SORL1: variants seen among roughly 807,000 people sequenced by gnomAD.
SORL1 encodes sortilin-related receptor.
SORL1 carries 127 observed loss-of-function variants against 273.7 expected under a neutral mutation model. That is an observed-to-expected ratio of 0.46 (90% CI 0.40 to 0.54). The LOEUF is 0.54. SORL1 is among the 20% of genes least tolerant of loss of function. The pLI is 0.00. For missense variants in SORL1, 2,494 were observed against 2,846.1 expected (o/e 0.88, Z 2.81); for synonymous variants, 1,031 against 1,067.4 (o/e 0.97, Z 0.66).
At chr11:121,585,255 G>A (rs573502524) in intron 26 of SORL1, among the ~76,000 whole-genome samples, 2 of 152,196 alleles carry the variant, frequency 1.3e-5, no homozygotes, top group Admixed American at 6.5e-5. Context: ...AGGCTGAGGC[G>A]GGAGGATGGC....
intron 1 of SORL1, 58 bp from the exon 2 acceptor site, chr11:121,469,949 A>G: frequency 9.2e-7 from 1 of 1,081,784 alleles, no homozygotes; most frequent in Admixed American, 1.7e-5. Context: ...GTCTTGATTT[A>G]GAATGTGTGT....
chr11:121,490,230 T>G, intron 5 of SORL1, 120 bp downstream of exon 5: 2 of 699,490 alleles, frequency 2.9e-6, no homozygotes, highest in Admixed American at 4.5e-5. Context: ...GGAAATACAT[T>G]TTTCCAGATC....
intron 1 of SORL1, among the ~76,000 whole-genome samples, chr11:121,464,804 A>G (rs1384020655): frequency 3.3e-5 from 5 of 152,142 alleles, no homozygotes; most frequent in Non-Finnish European, 2.9e-5. Context: ...GGCTCTGCAG[A>G]TGCCGCTGAC....
intron 11 of SORL1, 27 bp from the exon 12 acceptor site, chr11:121,532,437 G>C (rs767266280): frequency 1.9e-6 from 3 of 1,605,048 alleles, no homozygotes; most frequent in Admixed American, 1.7e-5. Context: ...CACAGCAGTG[G>C]TGTCACCATG....
rs1228816097 is a variant in SORL1 at position 121,550,674 on chromosome 11, A to G, written c.2266+4A>G. The G allele has an allele frequency of 4.3e-6, 7 of 1,611,016 alleles. No homozygotes were observed. Among genetic ancestry groups the G allele is most frequent in the Non-Finnish European group, 5.9e-6 (7 of 1,177,406 alleles). On this transcript the variant is annotated splice_donor_region_variant and intron_variant, in intron 16 of 47. Transcript: ENST00000260197. This position sits in a 1 kb window ranked among gnomAD's most constrained non-coding sequence, Gnocchi z 5.3. Reference sequence around the variant, plus strand: ...CTGGTCCCCTGTCCCCTGGCAGGTAAGAGAGGTGGTTTCTTCCCTTTCATT... The same window carrying G: ...CTGGTCCCCTGTCCCCTGGCAGGTAGGAGAGGTGGTTTCTTCCCTTTCATT...
At chr11:121,534,306 A>C (rs1862240238) in intron 12 of SORL1, among the ~76,000 whole-genome samples, 1 of 152,224 alleles carries the variant, frequency 6.6e-6, no homozygotes, top group African/African-American at 2.4e-5. Context: ...GTGTGATTCT[A>C]GTCCTCTTAC....
chr11:121,504,018 G>T (rs751889738), intron 6 of SORL1, among the ~76,000 whole-genome samples: 8 of 152,196 alleles, frequency 5.3e-5, no homozygotes, highest in Non-Finnish European at 1.0e-4. Flanking sequence ...GCCTTCCAAT[G>T]CATGGACAAA....
In SORL1 at chr11:121,570,677, A is replaced by G. The variant is rs75916995; in HGVS notation, c.3337+407A>G. Among the ~76,000 whole-genome samples, 128 of 152,294 alleles carry G rather than the reference A, an allele frequency of 8.4e-4. 1 individual carries two copies. In the East Asian group the frequency reaches 0.023, roughly 27 times the overall value. ...TATTCAGCCTTTTTAGGGATGGGAA[A>G]TGAGTATTTACTCCAGTTGGTTGAT... On this transcript the variant is annotated intron_variant, in intron 23 of 47. Transcript: ENST00000260197.
At chr11:121,547,952 A>T (rs1862458050) in intron 14 of SORL1, among the ~76,000 whole-genome samples, 1 of 152,174 alleles carries the variant, frequency 6.6e-6, no homozygotes, top group Non-Finnish European at 1.5e-5. Context: ...TTTAGACCAC[A>T]CTGGGAAGCC....
chr11:121,549,250 G>A (rs753787728), intron 14 of SORL1, among the ~76,000 whole-genome samples: 1 of 151,726 alleles, frequency 6.6e-6, no homozygotes, highest in Admixed American at 6.6e-5. Flanking sequence ...TGAGACAGGG[G>A]CTTGCTCTGT....
rs1367027730 is a variant in SORL1 at position 121,632,329 on chromosome 11, G to A, written c.*2766G>A. 6.6e-6 allele frequency: 1 copy of A among 152,106 alleles called. No homozygotes were observed. The highest frequency in any genetic ancestry group is 1.5e-5 in the Non-Finnish European group (1 of 68,034). The allele number at this position is 152,106 out of a possible 1,614,324, so 9.4% of individuals were successfully genotyped here. A position where few individuals can be genotyped will look rare whatever the true frequency, so the allele number is the denominator to read the frequency against. On this transcript the variant is annotated 3_prime_UTR_variant, in exon 48 of 48. Transcript: ENST00000260197. The stretch of plus-strand genomic sequence containing the variant: ...AGATACGAGTCCACATGGATAAAAT[G>A]TTAGAGAGTGGAGTTCTACAGAGGA...
chr11:121,619,975 T>C, intron 43 of SORL1, 58 bp downstream of exon 43: 1 of 1,407,802 alleles, frequency 7.1e-7, no homozygotes, highest in South Asian at 1.2e-5. Flanking sequence ...TAGGGTGGGG[T>C]GGGATGGAAG....
intron 20 of SORL1, 111 bp from the exon 21 acceptor site, chr11:121,559,408 A>G (rs747364812): frequency 8.9e-7 from 1 of 1,125,992 alleles, no homozygotes; most frequent in Non-Finnish European, 1.3e-6. Flanking sequence ...CAGGCTAGTC[A>G]TTCAGCCAAT....
intron 46 of SORL1, among the ~76,000 whole-genome samples, chr11:121,626,033 G>A (rs1444472259): frequency 1.3e-5 from 2 of 152,150 alleles, no homozygotes; most frequent in Non-Finnish European, 2.9e-5. Flanking sequence ...CACTAAGAGA[G>A]GGAAACACTG....
chr11:121,588,744 C>A (rs577500274), intron 28 of SORL1, among the ~76,000 whole-genome samples: 1 of 152,204 alleles, frequency 6.6e-6, no homozygotes, highest in Non-Finnish European at 1.5e-5. Context: ...AGCCTGGAAG[C>A]TAGCAGTCCA....
intron 6 of SORL1, among the ~76,000 whole-genome samples, chr11:121,508,073 A>T (rs2134837778): frequency 1.3e-5 from 2 of 152,338 alleles, no homozygotes; most frequent in Middle Eastern, 6.8e-3. Flanking sequence ...TAATGATAAG[A>T]CAGAGATTTT....
At chr11:121,618,528 GC>G (rs1591356083) in intron 41 of SORL1, among the ~76,000 whole-genome samples, 1 of 152,026 alleles carries the variant, frequency 6.6e-6, no homozygotes, top group East Asian at 1.9e-4. Flanking sequence ...TTTCTTCTCT[GC>G]CCGCCTCTCC....
chr11:121,548,933 A>G (rs904023723), intron 14 of SORL1, among the ~76,000 whole-genome samples: 11 of 152,192 alleles, frequency 7.2e-5, no homozygotes, highest in African/African-American at 1.7e-4. Flanking sequence ...CGTGGAATAT[A>G]TGTTCTGTTC....
At chr11:121,541,830 T>C (rs1862354018) in intron 12 of SORL1, among the ~76,000 whole-genome samples, 1 of 152,198 alleles carries the variant, frequency 6.6e-6, no homozygotes, top group Non-Finnish European at 1.5e-5. Flanking sequence ...CCAAAGATAA[T>C]GTAAAATCAG....
Sources: allele counts gnomAD v4.1 joint callset (sites outside exome capture counted in the v4.1 genomes callset), GRCh38; gene constraint gnomAD v4.1.1; non-coding constraint Gnocchi (gnomAD v3.1); transcripts MANE v1.5; gene names NCBI Gene and HGNC (gene_info 2026-07-23, HGNC 2026-07-21).